The following ATF7IP variants were observed in gnomAD, a reference collection of about 807,000 sequenced individuals.
The protein encoded by ATF7IP is activating transcription factor 7 interacting protein, also known as activating transcription factor 7-interacting protein 1.
ATF7IP carries 23 observed loss-of-function variants against 106.4 expected under a neutral mutation model. That is an observed-to-expected ratio of 0.22 (90% CI 0.16 to 0.31). The LOEUF (loss-of-function observed/expected upper bound fraction) is 0.31. Among genes scored for constraint, ATF7IP ranks in the 10% least tolerant of loss-of-function variants. The pLI is 1.00. For synonymous variants in ATF7IP, 542 were observed against 539.0 expected (o/e 1.01, Z -0.08); for missense variants, 1,334 against 1,524.3 (o/e 0.88, Z 2.08).
chr12:14,406,493 GA>G lies in ATF7IP; in HGVS notation c.-7-17415del, dbSNP rs113942551. Among the ~76,000 whole-genome samples, 675 of 152,030 alleles carry G rather than the reference GA, an allele frequency of 4.4e-3. 3 individuals carry two copies. Among genetic ancestry groups the G allele is most frequent in the East Asian group, 0.015 (76 of 5,182 alleles). ...TTATTAATATTGCTTTCCTTGCAAT[GA>G]GGATAACAGTATAAGTTAAGAACTA... On this transcript the variant is annotated intron_variant, in intron 1 of 14. Coordinates refer to ENST00000261168, the MANE Select transcript of ATF7IP (RefSeq NM_018179.5).
Position 14,479,772 on chromosome 12 carries a change from ATGT to A in ATF7IP, c.3098-1230_3098-1228del, listed in dbSNP as rs1565548013. 2.2e-3 allele frequency among the ~76,000 whole-genome samples: 337 copies of A among 152,276 alleles called. 1 individual carries two copies. Among genetic ancestry groups the A allele is most frequent in the African/African-American group, 7.8e-3 (323 of 41,586 alleles). ...CATTTCCAGGCAAAAGAATGTGCCT[ATGT>A]GACTTTATTTCTGGTGTGTAGATTT... On this transcript the variant is annotated intron_variant, in intron 12 of 14. Transcript: ENST00000261168.
intron 6 of ATF7IP, among the ~76,000 whole-genome samples, chr12:14,452,532 G>T (rs999388665): frequency 6.6e-6 from 1 of 151,842 alleles, no homozygotes; most frequent in Admixed American, 6.6e-5. Context: ...TGTGGTTACC[G>T]TGGGGATTAC....
At chr12:14,391,091 A>G (rs1424390517) in intron 1 of ATF7IP, among the ~76,000 whole-genome samples, 3 of 152,236 alleles carry the variant, frequency 2.0e-5, no homozygotes, top group South Asian at 2.1e-4. Flanking sequence ...ATTTGAGAGA[A>G]AGCCTAATGT....
At chr12:14,483,980 C>G (rs1326234292) in intron 13 of ATF7IP, among the ~76,000 whole-genome samples, 1 of 152,098 alleles carries the variant, frequency 6.6e-6, no homozygotes, top group Non-Finnish European at 1.5e-5. Flanking sequence ...TTGGCAGAAG[C>G]ATTGTGTGCA....
intron 9 of ATF7IP, among the ~76,000 whole-genome samples, chr12:14,464,613 T>C (rs1404357290): frequency 1.3e-5 from 2 of 152,148 alleles, no homozygotes; most frequent in Non-Finnish European, 1.5e-5. Context: ...GGAGTTATAA[T>C]ATTTATATCC....
At chr12:14,434,598 A>G (rs1436096351) in intron 3 of ATF7IP, among the ~76,000 whole-genome samples, 175 bp downstream of exon 3, 1 of 152,248 alleles carries the variant, frequency 6.6e-6, no homozygotes, top group Non-Finnish European at 1.5e-5. Flanking sequence ...TATGTTTCAT[A>G]CACTTCAATA....
intron 13 of ATF7IP, among the ~76,000 whole-genome samples, chr12:14,491,826 C>G (rs1643825005): frequency 6.6e-6 from 1 of 152,202 alleles, no homozygotes. Flanking sequence ...GTTAGAGTCA[C>G]CACTTGATTA....
chr12:14,438,425 G>A (rs778123716), intron 5 of ATF7IP, among the ~76,000 whole-genome samples, 158 bp downstream of exon 5: 3 of 152,212 alleles, frequency 2.0e-5, no homozygotes, highest in Admixed American at 1.3e-4. Flanking sequence ...TGTAAAGAAA[G>A]TGCAATAAAC....
At chr12:14,429,041 C>G (rs2136577894) in intron 2 of ATF7IP, among the ~76,000 whole-genome samples, 1 of 152,280 alleles carries the variant, frequency 6.6e-6, no homozygotes, top group South Asian at 2.1e-4. Flanking sequence ...ATATACTTTC[C>G]TCTAACTACT....
chr12:14,407,515 A>G (rs1940662340), intron 1 of ATF7IP, among the ~76,000 whole-genome samples: 1 of 152,170 alleles, frequency 6.6e-6, no homozygotes, highest in Non-Finnish European at 1.5e-5. Context: ...AATCCACTCC[A>G]TAATAAATTT....
chr12:14,470,714 CAG>C (rs1944010461), intron 10 of ATF7IP, among the ~76,000 whole-genome samples: 2 of 152,256 alleles, frequency 1.3e-5, no homozygotes, highest in South Asian at 2.1e-4. Flanking sequence ...GCATTTAGCA[CAG>C]AGTCTAATTG....
chr12:14,404,646 C>A (rs1940453933), intron 1 of ATF7IP, among the ~76,000 whole-genome samples: 1 of 152,082 alleles, frequency 6.6e-6, no homozygotes, highest in Non-Finnish European at 1.5e-5. Flanking sequence ...CTTACTGTTA[C>A]ATATTTCACA....
intron 1 of ATF7IP, among the ~76,000 whole-genome samples, chr12:14,409,701 C>T (rs1190182684): frequency 1.3e-5 from 2 of 152,014 alleles, no homozygotes; most frequent in African/African-American, 4.8e-5. Context: ...GAGAACAAGG[C>T]TGCTGCTATT....
chr12:14,378,731 C>T (rs1384257127), intron 1 of ATF7IP, among the ~76,000 whole-genome samples: 3 of 152,154 alleles, frequency 2.0e-5, no homozygotes, highest in East Asian at 3.8e-4. Flanking sequence ...AAAATCATGA[C>T]CCATTCCCTT....
chr12:14,378,086 G>A (rs1305689557), intron 1 of ATF7IP, among the ~76,000 whole-genome samples: 1 of 146,220 alleles, frequency 6.8e-6, no homozygotes, highest in Non-Finnish European at 1.5e-5. Context: ...AATATATTCA[G>A]TATTTTTCTT....
chr12:14,422,353 ACAC>A (rs1941575115), intron 1 of ATF7IP, among the ~76,000 whole-genome samples: 5 of 130,386 alleles, frequency 3.8e-5, no homozygotes, highest in African/African-American at 5.7e-5. Context: ...ACACACACAC[ACAC>A]AACCTTTGTA....
At chr12:14,476,022 T>A in intron 11 of ATF7IP, 54 bp downstream of exon 11, 1 of 1,288,534 alleles carries the variant, frequency 7.8e-7, no homozygotes, top group Non-Finnish European at 1.1e-6. Context: ...TTTTTTGTCT[T>A]AATACGGTAC....
At chr12:14,380,001 G>A (rs551823080) in intron 1 of ATF7IP, among the ~76,000 whole-genome samples, 7 of 152,256 alleles carry the variant, frequency 4.6e-5, no homozygotes, top group Non-Finnish European at 7.4e-5. Context: ...GTGTGTGTGT[G>A]TGTGATTCCA....
At chr12:14,401,583 CTT>C (rs34109322) in intron 1 of ATF7IP, among the ~76,000 whole-genome samples, 2 of 145,132 alleles carry the variant, frequency 1.4e-5, no homozygotes, top group African/African-American at 2.6e-5. Flanking sequence ...CTGTTGTACT[CTT>C]TTTTTTTTTG....
Sources: gnomAD v4.1 joint callset for allele counts (sites outside exome capture counted in the v4.1 genomes callset) on GRCh38, gnomAD v4.1.1 for gene constraint, MANE v1.5 for transcripts, NCBI Gene and HGNC (gene_info 2026-07-23, HGNC 2026-07-21) for gene names.